The following TBC1D1 variants were observed in gnomAD, a reference collection of about 807,000 sequenced individuals.
The protein encoded by TBC1D1 is TBC1 (tre-2/USP6, BUB2, cdc16) domain family, member 1.
In TBC1D1, 89 loss-of-function variants were observed where a neutral mutation model predicts 125.6. That is an observed-to-expected ratio of 0.71 (90% confidence interval 0.60 to 0.85). TBC1D1 has a LOEUF of 0.85. TBC1D1 is among the 40% of genes least tolerant of loss of function. The pLI, the probability that TBC1D1 is intolerant of heterozygous loss-of-function variation, is 0.00. For synonymous variants in TBC1D1, 565 were observed against 564.1 expected (o/e 1.00, Z -0.02); for missense variants, 1,377 against 1,469.2 (o/e 0.94, Z 1.03).
intron 12 of TBC1D1, chr4:38,060,792 GT>G (rs1752613624): frequency 2.2e-6 from 1 of 462,850 alleles, no homozygotes; most frequent in Non-Finnish European, 3.6e-6. Context: ...TGGAAATCTT[GT>G]TAAAAGGCAG....
intron 2 of TBC1D1, among the ~76,000 whole-genome samples, chr4:37,916,823 T>G (rs1719833962): frequency 6.6e-6 from 1 of 152,100 alleles, no homozygotes; most frequent in Non-Finnish European, 1.5e-5. Context: ...CAGGCTGGAG[T>G]GCAGTGGCAT....
rs187515113 is a variant in TBC1D1, at chr4:37,980,811, A to G, written c.418-33698A>G. Among the ~76,000 whole-genome samples, 737 of 152,150 alleles carry G rather than the reference A, an allele frequency of 4.8e-3. 34 individuals carry two copies. The East Asian group carries it at 0.099, about 20-fold the overall frequency. On this transcript the variant is annotated intron_variant, in intron 2 of 19. Coordinates refer to ENST00000261439, the MANE Select transcript of TBC1D1 (RefSeq NM_015173.4). ...CCAGTGCTCATTCAACAAGTGTTTT[A>G]TTAGGTACTTTTTGTATATAAGCAG...
At chr4:37,931,580 C>T (rs896813583) in intron 2 of TBC1D1, among the ~76,000 whole-genome samples, 4 of 151,818 alleles carry the variant, frequency 2.6e-5, no homozygotes, top group South Asian at 2.1e-4. Flanking sequence ...CGGGTTCAAG[C>T]GATTCTCCTG....
chr4:38,016,471 T>A (rs1012251800), intron 3 of TBC1D1, among the ~76,000 whole-genome samples: 2 of 152,244 alleles, frequency 1.3e-5, no homozygotes, highest in African/African-American at 4.8e-5. Context: ...AATGTTGACA[T>A]GGAGGAATAA....
At chr4:38,047,751 G>A (rs936009515) in intron 10 of TBC1D1, among the ~76,000 whole-genome samples, 3 of 152,110 alleles carry the variant, frequency 2.0e-5, no homozygotes, top group African/African-American at 7.2e-5. Flanking sequence ...TTGGTCAGTG[G>A]AACCAGGGAA....
intron 12 of TBC1D1, among the ~76,000 whole-genome samples, chr4:38,064,154 A>T (rs1205050414): frequency 6.6e-6 from 1 of 152,260 alleles, no homozygotes; most frequent in South Asian, 2.1e-4. Context: ...GTCATAATAC[A>T]TACCAGTAAT....
intron 12 of TBC1D1, among the ~76,000 whole-genome samples, chr4:38,074,953 G>A (rs772127557): frequency 1.3e-5 from 2 of 152,054 alleles, no homozygotes; most frequent in Non-Finnish European, 2.9e-5. Flanking sequence ...TAGAGACAGG[G>A]TTTTGCCATG....
intron 2 of TBC1D1, among the ~76,000 whole-genome samples, chr4:37,929,942 T>C (rs551723013): frequency 4.3e-4 from 66 of 152,252 alleles, no homozygotes; most frequent in Non-Finnish European, 7.9e-4. Flanking sequence ...AAAATAACTA[T>C]GGCCACACTC....
intron 2 of TBC1D1, among the ~76,000 whole-genome samples, chr4:37,940,573 G>T (rs1425891539): frequency 6.6e-6 from 1 of 152,186 alleles, no homozygotes; most frequent in Non-Finnish European, 1.5e-5. Flanking sequence ...GAACAAGAGT[G>T]GTGAGAGAGG....
chr4:38,062,604 C>T (rs116449811), intron 12 of TBC1D1, among the ~76,000 whole-genome samples: 3,364 of 151,490 alleles, frequency 0.022, 60 homozygotes, highest in South Asian at 0.059. Context: ...CCTCCCCATC[C>T]GCCCCCTACC....
intron 6 of TBC1D1, among the ~76,000 whole-genome samples, chr4:38,026,069 T>C (rs1329264034): frequency 8.2e-6 from 1 of 121,604 alleles, no homozygotes; most frequent in Non-Finnish European, 1.7e-5. Context: ...CAGGTGGGCA[T>C]TGAGATTACT....
chr4:38,117,942 C>A, intron 16 of TBC1D1, 91 bp from the exon 19 acceptor site: 3 of 1,179,230 alleles, frequency 2.5e-6, no homozygotes, highest in East Asian at 2.4e-5. Context: ...TCTAGTAAGT[C>A]TTCTCTTACA....
chr4:38,004,927 C>G (rs1017476549), intron 2 of TBC1D1, among the ~76,000 whole-genome samples: 123 of 152,280 alleles, frequency 8.1e-4, no homozygotes, highest in African/African-American at 2.8e-3. Flanking sequence ...GAGGTTAGCC[C>G]TTTTATGCCA....
intron 13 of TBC1D1, among the ~76,000 whole-genome samples, chr4:38,095,383 AAAC>A (rs1189746379): frequency 6.6e-6 from 1 of 152,212 alleles, no homozygotes; most frequent in Non-Finnish European, 1.5e-5. Context: ...GTTTGGTGGG[AAAC>A]AGTAGCTCTC....
At chr4:38,038,836 C>T (rs1436286526) in intron 8 of TBC1D1, among the ~76,000 whole-genome samples, 2 of 151,572 alleles carry the variant, frequency 1.3e-5, no homozygotes, top group East Asian at 2.0e-4. Context: ...GTCCCAGCTA[C>T]TAGGGAGGCT....
intron 2 of TBC1D1, among the ~76,000 whole-genome samples, chr4:37,928,102 T>TA (rs1376713996): frequency 3.3e-5 from 5 of 152,338 alleles, no homozygotes; most frequent in African/African-American, 1.2e-4. Context: ...ATGGGGCTAA[T>TA]AATAGTATCA....
intron 3 of TBC1D1, among the ~76,000 whole-genome samples, chr4:38,017,380 C>T (rs1325927825): frequency 6.6e-6 from 1 of 152,164 alleles, no homozygotes; most frequent in African/African-American, 2.4e-5. Flanking sequence ...TTTCATCATC[C>T]TTGGTCTCCA....
intron 2 of TBC1D1, among the ~76,000 whole-genome samples, chr4:37,959,804 A>G (rs549836760): frequency 6.6e-6 from 1 of 152,330 alleles, no homozygotes; most frequent in South Asian, 2.1e-4. Flanking sequence ...ATAGTCCAGT[A>G]TTCCTGCCCA....
chr4:37,929,811 C>T (rs1410481819), intron 2 of TBC1D1, among the ~76,000 whole-genome samples: 2 of 152,056 alleles, frequency 1.3e-5, no homozygotes, highest in Middle Eastern at 3.2e-3. Flanking sequence ...GCCAACTAAA[C>T]GATATTAACT....
Sources: allele counts gnomAD v4.1 joint callset (sites outside exome capture counted in the v4.1 genomes callset), GRCh38; gene constraint gnomAD v4.1.1; transcripts MANE v1.5; gene names NCBI Gene and HGNC (gene_info 2026-07-23, HGNC 2026-07-21).